Variants in KHDC1 observed in about 807,000 individuals in gnomAD.
KHDC1 encodes KH homology domain-containing protein 1.
A neutral mutation model predicts 24.7 loss-of-function variants in KHDC1; 21 were observed. That is an observed-to-expected ratio of 0.85 (90% confidence interval 0.60 to 1.23). The LOEUF (loss-of-function observed/expected upper bound fraction) is 1.23, where lower values mean the gene tolerates loss of function less well. Among genes scored for constraint, KHDC1 ranks in the 50% most tolerant of loss-of-function variants. The probability of loss-of-function intolerance (pLI) is 0.00; values close to 1 mark genes in which losing one functional copy is unlikely to be tolerated. For missense variants in KHDC1, 274 were observed against 298.5 expected (o/e 0.92, Z 0.61); for synonymous variants, 98 against 111.7 (o/e 0.88, Z 0.77).
At chr6:73,263,240 A>C in intron 2 of KHDC1, 44 bp from the exon 1 acceptor site, 1 of 986,602 alleles carries the variant, frequency 1.0e-6, no homozygotes, top group Non-Finnish European at 1.2e-6. Flanking sequence ...CGCGGGAAGC[A>C]ACCCAGAGCC....
At chr6:73,269,646 T>A (rs1767145782) in intron 2 of KHDC1, 1 of 152,128 alleles carries the variant, frequency 6.6e-6, no homozygotes, top group African/African-American at 2.4e-5. Flanking sequence ...TTGAGTTTTC[T>A]TTTTTACATT....
At position 73,280,537 on chromosome 6, in the gene KHDC1, G is replaced by A. The variant is rs1315103703; in HGVS notation, c.206+11461C>T. Among the ~76,000 whole-genome samples, 29 of 97,498 alleles carry A rather than the reference G, an allele frequency of 3.0e-4. 1 individual carries two copies. The South Asian group carries it at 9.0e-3, about 30-fold the overall frequency. 64.0% of individuals were successfully genotyped at this position (97,498 alleles called of 152,430 possible). ...TTCTTTTTTTTTTTTTTTTTTTTGA[G>A]ACTTTTTCTTTTCACTCTTGTTGCC... On this transcript the variant is annotated intron_variant, in intron 2 of 4. Transcript: ENST00000370384.
intron 1 of KHDC1, among the ~76,000 whole-genome samples, chr6:73,301,764 G>T (rs747216231): frequency 1.3e-5 from 2 of 151,932 alleles, no homozygotes; most frequent in Non-Finnish European, 2.9e-5. Context: ...CCAAGTAGCT[G>T]GGACTACAGG....
intron 2 of KHDC1, chr6:73,275,531 C>T (rs1413542287): frequency 6.0e-6 from 1 of 167,170 alleles, no homozygotes; most frequent in African/African-American, 2.4e-5. Context: ...CTGAAACCAT[C>T]AGTGCTTTAC....
intron 2 of KHDC1, among the ~76,000 whole-genome samples, chr6:73,243,258 G>A (rs1210115272): frequency 1.3e-5 from 2 of 152,172 alleles, no homozygotes; most frequent in Non-Finnish European, 2.9e-5. Flanking sequence ...AACCTTGACT[G>A]GTTAAAATAT....
At position 73,253,527 on chromosome 6, in the gene KHDC1, T is replaced by C. The variant is rs9446879; in HGVS notation, c.207-10997A>G. ...AAGATAGCACCACTGCAGTCCAGCC[T>C]GGGTGAAAGAGCGAGAGTCCGTCTC... On this transcript the variant is annotated intron_variant, in intron 2 of 4. Coordinates refer to ENST00000370384, the Ensembl canonical transcript of KHDC1. Among the ~76,000 whole-genome samples the C allele has an allele frequency of 5.5e-3, 826 of 151,444 alleles. 12 individuals are homozygous for C. The highest frequency in any genetic ancestry group is 0.019 in the African/African-American group (768 of 41,246).
intron 2 of KHDC1, among the ~76,000 whole-genome samples, chr6:73,283,437 G>T (rs988555261): frequency 6.6e-6 from 1 of 151,480 alleles, no homozygotes; most frequent in Admixed American, 6.6e-5. Context: ...TTGTTATATA[G>T]AGACAGGGTC....
chr6:73,303,586 G>A (rs1268873522), intron 1 of KHDC1, among the ~76,000 whole-genome samples: 1 of 152,212 alleles, frequency 6.6e-6, no homozygotes, highest in Non-Finnish European at 1.5e-5. Context: ...ACGATGCACT[G>A]AGAAGGGCAC....
Position 73,254,935 on chromosome 6 carries a change from G to C in KHDC1, c.207-12405C>G, listed in dbSNP as rs186672596. The stretch of plus-strand genomic sequence containing the variant: ...GAGAATGGCGTGGCCCCGGGAGGCA[G>C]AGTTTGCAGTGAGTGGAGATCGCGC... On this transcript the variant is annotated intron_variant, in intron 2 of 4. Transcript: ENST00000370384. Among the ~76,000 whole-genome samples, 170 of 151,988 alleles carry C rather than the reference G, an allele frequency of 1.1e-3. No individual in the cohort carries two copies. The East Asian group carries it at 0.016, about 14-fold the overall frequency.
chr6:73,259,279 G>GTTTTTTTTTTTTTTTT (rs1214004322), intron 2 of KHDC1, among the ~76,000 whole-genome samples: 2 of 107,498 alleles, frequency 1.9e-5, no homozygotes, highest in African/African-American at 4.4e-5. Context: ...AATCCAATAT[G>GTTTTTTTTTTTTTTTT]CTTTTTTTTT....
chr6:73,297,313 C>T (rs1767776081), intron 1 of KHDC1, among the ~76,000 whole-genome samples: 1 of 151,974 alleles, frequency 6.6e-6, no homozygotes, highest in East Asian at 1.9e-4. Context: ...CATCTAAATA[C>T]AAATTATTTT....
intron 2 of KHDC1, among the ~76,000 whole-genome samples, chr6:73,266,644 A>G (rs954625875): frequency 6.6e-6 from 1 of 152,236 alleles, no homozygotes; most frequent in African/African-American, 2.4e-5. Flanking sequence ...AAAGACCTAA[A>G]TGTAAAACTG....
chr6:73,308,138 G>A (rs551927121), intron 1 of KHDC1, among the ~76,000 whole-genome samples: 17 of 144,370 alleles, frequency 1.2e-4, no homozygotes, highest in African/African-American at 3.4e-4. Context: ...GCAGTGACGC[G>A]ATCACGGCTC....
In KHDC1 at chr6:73,288,803, C is replaced by CA. The variant is rs33926109; in HGVS notation, c.206+3194dup. ...ACATAGTATAGTAAGACCCCCATCT[C>CA]AAAAAAAAAAAAAAAAAAAAAGGTA... On this transcript the variant is annotated intron_variant, in intron 2 of 4. Transcript: ENST00000370384. Among the ~76,000 whole-genome samples the CA allele has an allele frequency of 5.1e-4, 40 of 78,550 alleles. 1 individual carries two copies. The highest frequency in any genetic ancestry group is 1.5e-3 in the African/African-American group (32 of 21,896). 51.5% of individuals were successfully genotyped at this position (78,550 alleles called of 152,430 possible). A position where few individuals can be genotyped will look rare whatever the true frequency, so the allele number is the denominator to read the frequency against.
At chr6:73,243,926 A>C (rs1180134385) in intron 2 of KHDC1, among the ~76,000 whole-genome samples, 1 of 152,198 alleles carries the variant, frequency 6.6e-6, no homozygotes, top group Non-Finnish European at 1.5e-5. Flanking sequence ...ATTTCTGCTA[A>C]GACCAGAGAC....
chr6:73,245,900 G>C (rs1259467043), intron 2 of KHDC1, among the ~76,000 whole-genome samples: 1 of 152,196 alleles, frequency 6.6e-6, no homozygotes, highest in Non-Finnish European at 1.5e-5. Flanking sequence ...ACAATGGCTA[G>C]AACGTATTTA....
intron 2 of KHDC1, among the ~76,000 whole-genome samples, chr6:73,272,115 A>T (rs1048895759): frequency 5.9e-5 from 9 of 151,436 alleles, no homozygotes; most frequent in Admixed American, 5.3e-4. Context: ...CACCAGAAAA[A>T]ACTTTTGATC....
intron 1 of KHDC1, chr6:73,298,931 C>G (rs921009461): frequency 3.3e-5 from 5 of 152,160 alleles, no homozygotes. Context: ...CTATTACACT[C>G]CTTACGGGGA....
At chr6:73,278,784 G>C (rs1272531128) in intron 2 of KHDC1, among the ~76,000 whole-genome samples, 2 of 152,096 alleles carry the variant, frequency 1.3e-5, no homozygotes, top group African/African-American at 2.4e-5. Flanking sequence ...AGTACATATA[G>C]AGTTCAGTTA....
Sources: allele counts gnomAD v4.1 joint callset (sites outside exome capture counted in the v4.1 genomes callset), GRCh38; gene constraint gnomAD v4.1.1; transcripts MANE v1.5; gene names NCBI Gene and HGNC (gene_info 2026-07-23, HGNC 2026-07-21).